IQCJ: variants seen among roughly 807,000 people sequenced by gnomAD.
IQCJ encodes IQ motif containing J, also known as IQ domain-containing protein J.
In IQCJ, 9 loss-of-function variants were observed where a neutral mutation model predicts 11.0. That is an observed-to-expected ratio of 0.82 (90% CI 0.49 to 1.43). The LOEUF (loss-of-function observed/expected upper bound fraction) is 1.43. IQCJ is among the 40% of genes most tolerant of loss of function. IQCJ has a pLI of 0.00. For synonymous variants in IQCJ, 55 were observed against 51.3 expected (o/e 1.07, Z -0.31); for missense variants, 146 against 133.2 (o/e 1.10, Z -0.47).
rs190564549 is a variant in IQCJ, at chr3:159,126,696, A to G, written c.9+57255A>G. 4.7e-4 allele frequency among the ~76,000 whole-genome samples: 72 copies of G among 152,340 alleles called. 1 individual carries two copies. Among genetic ancestry groups the G allele is most frequent in the African/African-American group, 1.6e-3 (66 of 41,588 alleles). On this transcript the variant is annotated intron_variant, in intron 1 of 3. Coordinates refer to ENST00000397832, the MANE Select transcript of IQCJ (RefSeq NM_001042706.3). ...ACAGAAGTGGATGAGAGCACACCCA[A>G]TGACTTCTGAGAGCACCCTAGGCTT...
chr3:159,113,387 G>A (rs1461676970), intron 1 of IQCJ, among the ~76,000 whole-genome samples: 3 of 152,158 alleles, frequency 2.0e-5, no homozygotes, highest in Non-Finnish European at 4.4e-5. Context: ...TTTGCTCAGC[G>A]TAGACTGTAG....
At chr3:159,145,211 A>G (rs1409736262) in intron 1 of IQCJ, among the ~76,000 whole-genome samples, 3 of 152,166 alleles carry the variant, frequency 2.0e-5, no homozygotes, top group African/African-American at 4.8e-5. Context: ...TGCTATGGTG[A>G]TTTCCCTACT....
At chr3:159,180,878 A>G (rs1317821513) in intron 1 of IQCJ, among the ~76,000 whole-genome samples, 1 of 151,936 alleles carries the variant, frequency 6.6e-6, no homozygotes, top group Non-Finnish European at 1.5e-5. Context: ...AATTTACAAC[A>G]TTTTGTCATC....
chr3:159,155,074 C>T (rs1721440466), intron 1 of IQCJ, among the ~76,000 whole-genome samples: 1 of 152,192 alleles, frequency 6.6e-6, no homozygotes, highest in Admixed American at 6.5e-5. Context: ...ATTGCCTACA[C>T]TGAACACGGG....
chr3:159,241,404 G>C (rs895662203), intron 1 of IQCJ, among the ~76,000 whole-genome samples: 1 of 151,674 alleles, frequency 6.6e-6, no homozygotes, highest in Admixed American at 6.6e-5. Flanking sequence ...GTGACACTCT[G>C]TCTCAAAAAA....
intron 1 of IQCJ, among the ~76,000 whole-genome samples, chr3:159,079,869 A>G (rs1716192406): frequency 6.6e-6 from 1 of 152,102 alleles, no homozygotes; most frequent in South Asian, 2.1e-4. Flanking sequence ...ATTTTTTTAT[A>G]AAAAATAAAT....
At chr3:159,121,138 CTTT>C (rs1206910456) in intron 1 of IQCJ, among the ~76,000 whole-genome samples, 1 of 123,616 alleles carries the variant, frequency 8.1e-6, no homozygotes, top group Non-Finnish European at 1.7e-5. Context: ...TTTCTTTTTT[CTTT>C]TTTTTTTTTT....
chr3:159,092,559 G>A (rs1173930592), intron 1 of IQCJ, among the ~76,000 whole-genome samples: 5 of 151,686 alleles, frequency 3.3e-5, no homozygotes, highest in African/African-American at 1.2e-4. Context: ...TTAGCCAGGC[G>A]TGGTGACAGG....
chr3:159,121,097 A>G (rs1390921681), intron 1 of IQCJ, among the ~76,000 whole-genome samples: 1 of 150,746 alleles, frequency 6.6e-6, no homozygotes, highest in Non-Finnish European at 1.5e-5. Context: ...TACCCAGCCT[A>G]TGCTGCAAGG....
At position 159,262,995 on chromosome 3, in the gene IQCJ, G is replaced by A; in HGVS notation, c.*264G>A. On this transcript the variant is annotated 3_prime_UTR_variant, in exon 4 of 4. Transcript: ENST00000397832. ...TAGCATATTTCTTTTAGTATGTGCT[G>A]TGTGTTTCTTTTATTGTGTGGTGCT... is the stretch of plus-strand genomic sequence containing the variant. The A allele has an allele frequency of 8.8e-7, 1 of 1,135,008 alleles. No homozygotes were observed. The highest frequency in any genetic ancestry group is 1.1e-6 in the Non-Finnish European group (1 of 921,334). The allele number at this position is 1,135,008 out of a possible 1,614,324, so 70.3% of individuals were successfully genotyped here. A position where few individuals can be genotyped will look rare whatever the true frequency, so the allele number is the denominator to read the frequency against.
intron 1 of IQCJ, among the ~76,000 whole-genome samples, chr3:159,161,867 T>C (rs1721881589): frequency 1.3e-5 from 2 of 152,188 alleles, no homozygotes; most frequent in African/African-American, 4.8e-5. Flanking sequence ...TTCTGAGGGC[T>C]CTGTTCTGTT....
chr3:159,153,105 G>A (rs13314152), intron 1 of IQCJ, among the ~76,000 whole-genome samples: 67,388 of 151,868 alleles, frequency 0.44, 15,189 homozygotes, highest in South Asian at 0.57. Context: ...TTTAAATCTG[G>A]AAACATTAAA....
At chr3:159,182,610 G>A (rs1347332814) in intron 1 of IQCJ, among the ~76,000 whole-genome samples, 3 of 151,892 alleles carry the variant, frequency 2.0e-5, no homozygotes, top group African/African-American at 7.3e-5. Context: ...GGGGGTGCAC[G>A]TGAGAGGGTC....
At chr3:159,258,201 A>C (rs1275378034) in intron 3 of IQCJ, among the ~76,000 whole-genome samples, 2 of 152,182 alleles carry the variant, frequency 1.3e-5, no homozygotes, top group Non-Finnish European at 2.9e-5. Flanking sequence ...TGCCAGCTCT[A>C]GGCTTGCAGG....
chr3:159,155,667 A>G (rs1190750398), intron 1 of IQCJ, among the ~76,000 whole-genome samples: 3 of 152,242 alleles, frequency 2.0e-5, no homozygotes, highest in Admixed American at 1.3e-4. Flanking sequence ...ATAAATGCCA[A>G]TGATGAATTT....
At chr3:159,069,696 T>C (rs964070968) in intron 1 of IQCJ, 5 of 589,268 alleles carry the variant, frequency 8.5e-6, no homozygotes, top group East Asian at 3.1e-5. Flanking sequence ...AGGAATCTCA[T>C]TGAAAGCAAC....
At chr3:159,149,462 T>A (rs1165736843) in intron 1 of IQCJ, among the ~76,000 whole-genome samples, 2 of 152,198 alleles carry the variant, frequency 1.3e-5, no homozygotes, top group African/African-American at 4.8e-5. Flanking sequence ...AGAGCTTTTT[T>A]TTCCTGTTCC....
Position 159,255,935 on chromosome 3 carries a change from C to T in IQCJ, c.155+3128C>T, listed in dbSNP as rs61795196. Reference sequence around the variant, plus strand: ...CTCTAAGGCTAAAGATGAATGTGTTCCTAAGAGCCTTAAGGCTGGAACAAG... The same window carrying T: ...CTCTAAGGCTAAAGATGAATGTGTTTCTAAGAGCCTTAAGGCTGGAACAAG... On this transcript the variant is annotated intron_variant, in intron 3 of 3. Transcript: ENST00000397832. 9.6e-3 allele frequency among the ~76,000 whole-genome samples: 1,469 copies of T among 152,246 alleles called. 14 individuals are homozygous for T. The highest frequency in any genetic ancestry group is 0.014 in the African/African-American group (572 of 41,548).
chr3:159,252,925 T>C (rs1020470), intron 3 of IQCJ, 118 bp downstream of exon 3: 682,450 of 965,436 alleles, frequency 0.71, 246,447 homozygotes, highest in Non-Finnish European at 0.76. Context: ...ATGTGCTGCA[T>C]ATTATTTCCT....
Sources: allele counts gnomAD v4.1 joint callset (sites outside exome capture counted in the v4.1 genomes callset), GRCh38; gene constraint gnomAD v4.1.1; transcripts MANE v1.5; gene names NCBI Gene and HGNC (gene_info 2026-07-23, HGNC 2026-07-21).